The following ROBO2 variants were observed in gnomAD, a reference collection of about 807,000 sequenced individuals.
The protein encoded by ROBO2 is roundabout guidance receptor 2, also known as roundabout homolog 2.
Under a neutral mutation model 160.8 loss-of-function variants are expected in ROBO2, and 53 were observed. The observed-to-expected ratio is 0.33, with a 90% CI of 0.26 to 0.41. The LOEUF is 0.41. Ranked by LOEUF, ROBO2 falls within the 10% of genes least tolerant of loss-of-function variation. ROBO2 has a pLI of 1.00. For missense variants in ROBO2, 1,577 were observed against 1,722.4 expected (o/e 0.92, Z 1.49); for synonymous variants, 664 against 611.7 (o/e 1.09, Z -1.26).
intron 2 of ROBO2, among the ~76,000 whole-genome samples, chr3:77,396,962 C>T (rs138366588): frequency 1.3e-3 from 203 of 152,004 alleles, no homozygotes; most frequent in African/African-American, 4.4e-3. Context: ...AACTATGACA[C>T]GTTTAGATTA....
At chr3:76,366,837 G>A (rs2075837565) in intron 2 of ROBO2, among the ~76,000 whole-genome samples, 1 of 151,542 alleles carries the variant, frequency 6.6e-6, no homozygotes, top group Non-Finnish European at 1.5e-5. Context: ...TTAATAAAAG[G>A]GCAATTCAGC....
chr3:77,639,389 G>T (rs559439594), intron 24 of ROBO2, among the ~76,000 whole-genome samples: 2 of 152,216 alleles, frequency 1.3e-5, no homozygotes, highest in African/African-American at 4.8e-5. Context: ...GGTGATAAAT[G>T]TTATGGGGAA....
chr3:76,865,973 A>C (rs2148648056), intron 2 of ROBO2, among the ~76,000 whole-genome samples: 1 of 152,220 alleles, frequency 6.6e-6, no homozygotes, highest in East Asian at 1.9e-4. Flanking sequence ...CAGGAGTTTA[A>C]GTATAAGAGA....
chr3:77,453,014 G>T lies in ROBO2; in HGVS notation c.389-24400G>T, dbSNP rs933724653. ...ATCTCATGTCTTCAGCTACTACATG[G>T]CTGACATTTCCCCAAAGTATGTCTA... is the stretch of plus-strand genomic sequence containing the variant. On this transcript the variant is annotated intron_variant, in intron 2 of 25. Coordinates refer to ENST00000461745, the Ensembl canonical transcript of ROBO2. 4.6e-5 allele frequency among the ~76,000 whole-genome samples: 7 copies of T among 152,012 alleles called. No individual in the cohort carries two copies. In the South Asian group the frequency reaches 6.2e-4, roughly 13 times the overall value.
chr3:76,675,385 T>C (rs1019079276), intron 2 of ROBO2, among the ~76,000 whole-genome samples: 5 of 152,044 alleles, frequency 3.3e-5, no homozygotes, highest in African/African-American at 1.2e-4. Flanking sequence ...TACATTTCTC[T>C]AGAGTTTTTG....
chr3:77,387,084 G>A (rs1035816088), intron 2 of ROBO2, among the ~76,000 whole-genome samples: 12 of 151,816 alleles, frequency 7.9e-5, no homozygotes, highest in African/African-American at 2.7e-4. Flanking sequence ...CTTCAGCCTC[G>A]GCCCCATTCA....
intron 13 of ROBO2, among the ~76,000 whole-genome samples, chr3:77,571,201 A>T (rs946716066): frequency 3.3e-5 from 5 of 152,014 alleles, no homozygotes; most frequent in African/African-American, 1.2e-4. Context: ...CTAAAACCAG[A>T]TCAGACCCTT....
chr3:77,491,448 A>T (rs1258100605), intron 4 of ROBO2, among the ~76,000 whole-genome samples: 1 of 152,116 alleles, frequency 6.6e-6, no homozygotes, highest in African/African-American at 2.4e-5. Flanking sequence ...TTCCTATGTG[A>T]ATGATTTATT....
intron 2 of ROBO2, among the ~76,000 whole-genome samples, chr3:77,361,632 A>T (rs1302982931): frequency 6.6e-6 from 1 of 152,024 alleles, no homozygotes; most frequent in Non-Finnish European, 1.5e-5. Flanking sequence ...ACATAGTGGA[A>T]AGGAGGGTCA....
chr3:76,575,703 A>G (rs1049314101), intron 2 of ROBO2, among the ~76,000 whole-genome samples: 1 of 152,096 alleles, frequency 6.6e-6, no homozygotes. Context: ...GTTCATACCT[A>G]TAACTTGTCC....
intron 2 of ROBO2, among the ~76,000 whole-genome samples, chr3:76,546,072 C>G (rs1306118159): frequency 1.3e-5 from 2 of 151,672 alleles, no homozygotes; most frequent in African/African-American, 4.8e-5. Flanking sequence ...AATATTATGG[C>G]CTAATTGGGT....
chr3:76,236,575 A>G lies in ROBO2; in HGVS notation c.109+298973A>G, dbSNP rs763235675. Among the ~76,000 whole-genome samples the G allele has an allele frequency of 4.2e-4, 64 of 152,166 alleles. 1 individual carries two copies. Among genetic ancestry groups the G allele is most frequent in the Non-Finnish European group, 7.2e-4 (49 of 67,982 alleles). ...TTTCGTGTTACTTTCTACTAAGTAG[A>G]TTATTAGTGCTGCTTCTGCATTTCC... On this transcript the variant is annotated intron_variant, in intron 2 of 26. Coordinates refer to the ROBO2 transcript ENST00000487694.
chr3:76,819,781 A>G (rs193252720), intron 2 of ROBO2, among the ~76,000 whole-genome samples: 2 of 152,196 alleles, frequency 1.3e-5, no homozygotes, highest in Admixed American at 6.6e-5. Flanking sequence ...AAATAATTCA[A>G]TGTGCTTTGG....
At chr3:77,036,876 T>C (rs2063668194), upstream of ROBO2, among the ~76,000 whole-genome samples, 1 of 151,966 alleles carries the variant, frequency 6.6e-6, no homozygotes, top group Non-Finnish European at 1.5e-5. Context: ...TTTTTTTTTT[T>C]TTGCTAAAGC....
At chr3:76,786,681 G>T (rs779516602) in intron 2 of ROBO2, among the ~76,000 whole-genome samples, 20 of 150,574 alleles carry the variant, frequency 1.3e-4, no homozygotes, top group Non-Finnish European at 2.1e-4. Context: ...CCATATCAAT[G>T]CCTTAGGCAA....
intron 12 of ROBO2, among the ~76,000 whole-genome samples, chr3:77,567,794 C>A (rs1279417070): frequency 1.3e-5 from 2 of 152,008 alleles, no homozygotes; most frequent in Non-Finnish European, 2.9e-5. Context: ...CCTAGTCCAC[C>A]ATTACTTCTC....
chr3:76,584,827 T>G (rs2085932573), intron 2 of ROBO2, among the ~76,000 whole-genome samples: 2 of 152,260 alleles, frequency 1.3e-5, no homozygotes, highest in South Asian at 4.1e-4. Context: ...TCTTCTACCA[T>G]TCACATGGCA....
chr3:77,170,036 C>T (rs2079482857), intron 2 of ROBO2, among the ~76,000 whole-genome samples: 1 of 152,208 alleles, frequency 6.6e-6, no homozygotes, highest in Admixed American at 6.5e-5. Flanking sequence ...CATAAATCAG[C>T]AAGTGAGTGT....
chr3:76,186,147 G>T (rs1185349657), intron 2 of ROBO2, among the ~76,000 whole-genome samples: 1 of 151,704 alleles, frequency 6.6e-6, no homozygotes, highest in Non-Finnish European at 1.5e-5. Flanking sequence ...TGTCCAGGCT[G>T]GTCTCAAAAT....
Sources: allele counts gnomAD v4.1 joint callset (sites outside exome capture counted in the v4.1 genomes callset), GRCh38; gene constraint gnomAD v4.1.1; transcripts MANE v1.5; gene names NCBI Gene and HGNC (gene_info 2026-07-23, HGNC 2026-07-21).